HYDIN: variants seen among roughly 807,000 people sequenced by gnomAD.
HYDIN encodes the protein HYDIN axonemal central pair apparatus protein.
HYDIN carries 132 observed loss-of-function variants against 403.9 expected under a neutral mutation model. That is an observed-to-expected ratio of 0.33 (90% confidence interval 0.28 to 0.38). The LOEUF is 0.38. HYDIN is among the 10% of genes least tolerant of loss of function. The pLI is 1.00. For synonymous variants in HYDIN, 1,202 were observed against 1,891.7 expected (o/e 0.64, Z 9.46); for missense variants, 2,827 against 5,009.5 (o/e 0.56, Z 13.15).
At chr16:70,939,542 T>A (rs1319499256) in intron 43 of HYDIN, among the ~76,000 whole-genome samples, 1 of 152,202 alleles carries the variant, frequency 6.6e-6, no homozygotes, top group African/African-American at 2.4e-5. Flanking sequence ...TGTATGAACA[T>A]GCCAGGCACT....
At chr16:70,951,422 A>G (rs1597397312) in intron 41 of HYDIN, among the ~76,000 whole-genome samples, 1 of 151,812 alleles carries the variant, frequency 6.6e-6, no homozygotes, top group Non-Finnish European at 1.5e-5. Flanking sequence ...GTGCTCTGCC[A>G]CTCCCCTCGA....
chr16:71,219,301 C>T (rs191890507), intron 1 of HYDIN, among the ~76,000 whole-genome samples: 3 of 151,568 alleles, frequency 2.0e-5, no homozygotes, highest in Admixed American at 6.6e-5. Flanking sequence ...CAAGAAGATG[C>T]CATTTTAAAA....
chr16:70,848,109 T>C (rs8063451), intron 75 of HYDIN, among the ~76,000 whole-genome samples: 2 of 142,970 alleles, frequency 1.4e-5, no homozygotes, highest in African/African-American at 2.6e-5. Flanking sequence ...AAATCTGCTA[T>C]TGAGCCCCTG....
intron 21 of HYDIN, among the ~76,000 whole-genome samples, chr16:71,022,207 T>TG (rs1203151812): frequency 6.6e-6 from 1 of 151,934 alleles, no homozygotes; most frequent in Admixed American, 6.6e-5. Flanking sequence ...AAGCCACACT[T>TG]GGTTGGTTTT....
chr16:71,211,366 TACAGTGACTC>T (rs2088579740), intron 1 of HYDIN, among the ~76,000 whole-genome samples: 1 of 146,770 alleles, frequency 6.8e-6, no homozygotes. Context: ...AGGGACCGGG[TACAGTGACTC>T]ACACCTGTAA....
chr16:71,035,700 A>C (rs2081062807), intron 18 of HYDIN, among the ~76,000 whole-genome samples: 1 of 152,156 alleles, frequency 6.6e-6, no homozygotes, highest in Non-Finnish European at 1.5e-5. Context: ...GGCTTTATAC[A>C]ACAGAAGCTT....
intron 45 of HYDIN, among the ~76,000 whole-genome samples, chr16:70,922,949 G>A (rs575237951): frequency 6.6e-5 from 10 of 151,506 alleles, no homozygotes; most frequent in African/African-American, 2.4e-4. Flanking sequence ...TAATTTTTTT[G>A]TAGAGACACA....
Position 70,860,200 on chromosome 16 carries a change from A to G in HYDIN, c.11997T>C (p.Phe3999=), listed in dbSNP as rs377150846. ...TGCTATTGGTTGGGTTTAGGATGGTAAAGGTCCTGGCCAGGGTGGAGAGAA... is the reference window on the plus strand; with the variant it reads ...TGCTATTGGTTGGGTTTAGGATGGTGAAGGTCCTGGCCAGGGTGGAGAGAA... ...VGIGGKNLRT[F]TILNPTNSTY... is the part of the protein sequence containing the mutation. Residue 3999 remains phenylalanine (F), a synonymous_variant, in exon 71 of 86, where the codon TTT becomes TTC. Transcript: ENST00000393567. 49 of 1,613,820 alleles carry G rather than the reference A, an allele frequency of 3.0e-5. No individual in the cohort carries two copies. The highest frequency in any genetic ancestry group is 4.0e-5 in the Non-Finnish European group (47 of 1,179,864).
chr16:70,916,797 C>T (rs904258962), intron 47 of HYDIN, among the ~76,000 whole-genome samples: 5 of 152,232 alleles, frequency 3.3e-5, no homozygotes, highest in Admixed American at 3.3e-4. Context: ...TTCTTCTGAG[C>T]ATTCTTAAGT....
At chr16:71,116,556 T>C (rs113567808) in intron 9 of HYDIN, among the ~76,000 whole-genome samples, 4 of 152,142 alleles carry the variant, frequency 2.6e-5, no homozygotes, top group South Asian at 2.1e-4. Flanking sequence ...AGATGAGGGA[T>C]TGTGGGATCA....
intron 1 of HYDIN, among the ~76,000 whole-genome samples, chr16:71,211,990 G>A (rs1053873918): frequency 2.0e-5 from 3 of 152,024 alleles, no homozygotes; most frequent in South Asian, 4.2e-4. Flanking sequence ...CTTCAAAAAC[G>A]TCAATGTGCT....
At chr16:71,143,369 C>G (rs947169817) in intron 7 of HYDIN, among the ~76,000 whole-genome samples, 1 of 151,306 alleles carries the variant, frequency 6.6e-6, no homozygotes, top group Non-Finnish European at 1.5e-5. Flanking sequence ...GTTAAAGAAA[C>G]GTCCCTTTAA....
At position 71,069,521 on chromosome 16, in the gene HYDIN, T is replaced by C; in HGVS notation, c.1739-19A>G. ...GGAAACCCTGGAAAACAAAATATGA[T>C]GTGAGAAATAAAAGCCCCCCCAACA... On this transcript the variant is annotated intron_variant, in intron 13 of 85. Coordinates refer to ENST00000393567, the MANE Select transcript of HYDIN (RefSeq NM_001270974.2). 1.2e-6 allele frequency: 2 copies of C among 1,607,926 alleles called. No individual in the cohort carries two copies. Among genetic ancestry groups the C allele is most frequent in the Admixed American group, 1.7e-5 (1 of 59,418 alleles).
chr16:70,996,492 C>G (rs1254464336), intron 23 of HYDIN, among the ~76,000 whole-genome samples: 1 of 151,924 alleles, frequency 6.6e-6, no homozygotes, highest in Non-Finnish European at 1.5e-5. Context: ...GGCTTCCCCA[C>G]TTGTGCACTA....
chr16:71,002,251 T>G (rs532775477), intron 23 of HYDIN, among the ~76,000 whole-genome samples: 42 of 152,320 alleles, frequency 2.8e-4, no homozygotes, highest in Admixed American at 2.5e-3. Flanking sequence ...GTATCTTGTT[T>G]AAGAAATTCT....
chr16:71,190,510 T>G (rs541226796), intron 1 of HYDIN, among the ~76,000 whole-genome samples: 14 of 152,356 alleles, frequency 9.2e-5, no homozygotes, highest in Admixed American at 3.3e-4. Context: ...TTAGTATAAA[T>G]TGCATTGTTG....
intron 1 of HYDIN, among the ~76,000 whole-genome samples, chr16:71,195,831 A>G (rs1303497706): frequency 6.6e-6 from 1 of 152,238 alleles, no homozygotes; most frequent in Non-Finnish European, 1.5e-5. Context: ...ATGCAGATGT[A>G]TAATGAAAAG....
At chr16:71,181,140 T>A (rs185572635) in intron 3 of HYDIN, among the ~76,000 whole-genome samples, 1 of 151,126 alleles carries the variant, frequency 6.6e-6, no homozygotes, top group Non-Finnish European at 1.5e-5. Flanking sequence ...TTAAAAGAAA[T>A]TTTTTCAGGA....
intron 41 of HYDIN, among the ~76,000 whole-genome samples, chr16:70,945,891 A>T (rs2077843483): frequency 6.6e-6 from 1 of 151,796 alleles, no homozygotes; most frequent in South Asian, 2.1e-4. Flanking sequence ...GAAACAGAGG[A>T]TGGGGGTGGG....
Sources: gnomAD v4.1 joint callset for allele counts (sites outside exome capture counted in the v4.1 genomes callset) on GRCh38, gnomAD v4.1.1 for gene constraint, MANE v1.5 for transcripts, NCBI Gene and HGNC (gene_info 2026-07-23, HGNC 2026-07-21) for gene names.